Variants in EPM2A observed in about 807,000 individuals in gnomAD.
The protein encoded by EPM2A is EPM2A glucan phosphatase, laforin, also known as laforin.
EPM2A carries 21 observed loss-of-function variants against 26.5 expected under a neutral mutation model. The ratio of observed to expected loss-of-function variants is 0.79; its 90% confidence interval spans 0.56 to 1.14. EPM2A has a LOEUF of 1.14. Ranked by LOEUF, EPM2A falls within the 50% of genes most tolerant of loss-of-function variation. The pLI is 0.00. For synonymous variants in EPM2A, 217 were observed against 177.6 expected (o/e 1.22, Z -1.76); for missense variants, 458 against 440.8 (o/e 1.04, Z -0.35).
At chr6:145,514,116 T>C (rs1004892856) in intron 2 of EPM2A, among the ~76,000 whole-genome samples, 6 of 152,192 alleles carry the variant, frequency 3.9e-5, no homozygotes, top group Non-Finnish European at 8.8e-5. Flanking sequence ...CTTCCAGGAT[T>C]AGTCACATGG....
rs915987456 is a variant in EPM2A, at chr6:145,529,557, T to C, written c.341-26982A>G. Among the ~76,000 whole-genome samples, 27 of 152,190 alleles carry C rather than the reference T, an allele frequency of 1.8e-4. 1 individual carries two copies. Among genetic ancestry groups the C allele is most frequent in the Admixed American group, 1.6e-3 (25 of 15,266 alleles). On this transcript the variant is annotated intron_variant, in intron 2 of 3. Coordinates refer to the EPM2A transcript ENST00000450221. ...AATAAAGATATGTACATTTTAGACA[T>C]AATGCTATTACACATTAATAGAATA...
At chr6:145,475,161 C>T (rs901500636) in intron 4 of EPM2A, among the ~76,000 whole-genome samples, 1 of 152,162 alleles carries the variant, frequency 6.6e-6, no homozygotes, top group Non-Finnish European at 1.5e-5. Context: ...TATAAAGACA[C>T]ATGCACACAT....
intron 4 of EPM2A, among the ~76,000 whole-genome samples, chr6:145,385,887 G>A (rs1778254239): frequency 6.7e-6 from 1 of 150,164 alleles, no homozygotes; most frequent in African/African-American, 2.5e-5. Context: ...GTACTTTTTT[G>A]TATTCTCCTT....
rs1181044368 is a variant in EPM2A at position 145,502,536 on chromosome 6, C to T, written c.380G>A (p.Trp127Ter). 2.1e-6 allele frequency: 1 copy of T among 470,552 alleles called. No individual in the cohort carries two copies. Among genetic ancestry groups the T allele is most frequent in the Admixed American group, 2.3e-5 (1 of 42,574 alleles). The allele number at this position is 470,552 out of a possible 1,614,324, so 29.1% of individuals were successfully genotyped here. The change falls in exon 3 of 4, where the codon TGG (tryptophan) becomes TAG (stop). Residue 127 changes from tryptophan (W) to a stop codon, truncating the protein, a stop_gained. Coordinates refer to the EPM2A transcript ENST00000450221. LOFTEE classifies it high-confidence loss of function. ...TACTCACTCACCTGCAGTCTCTTCC[C>T]ACATCCCCGAGCAGCACATGTCAGC...
At chr6:145,654,218 T>G (rs938948792) in intron 2 of EPM2A, among the ~76,000 whole-genome samples, 2 of 151,902 alleles carry the variant, frequency 1.3e-5, no homozygotes, top group Non-Finnish European at 2.9e-5. Context: ...GAGACAGAGT[T>G]TCACTCTTGT....
intron 4 of EPM2A, among the ~76,000 whole-genome samples, chr6:145,428,666 G>A (rs909274809): frequency 2.0e-5 from 3 of 152,178 alleles, no homozygotes; most frequent in Non-Finnish European, 4.4e-5. Flanking sequence ...GGCTTTATTT[G>A]AGGAAAAGTG....
chr6:145,531,084 AT>A (rs1348016809), intron 2 of EPM2A, among the ~76,000 whole-genome samples: 2 of 152,118 alleles, frequency 1.3e-5, no homozygotes, highest in Non-Finnish European at 2.9e-5. Flanking sequence ...GGTGGGAAAA[AT>A]TTTAAGATGA....
chr6:145,393,315 G>A (rs768452827), intron 4 of EPM2A, among the ~76,000 whole-genome samples: 1 of 151,810 alleles, frequency 6.6e-6, no homozygotes, highest in Non-Finnish European at 1.5e-5. Context: ...TAAACAACAA[G>A]CCCCATCTAA....
chr6:145,458,756 G>GC (rs929807706), intron 4 of EPM2A, among the ~76,000 whole-genome samples: 1 of 113,328 alleles, frequency 8.8e-6, no homozygotes, highest in Non-Finnish European at 1.7e-5. Context: ...ATATCTCCCC[G>GC]CCCCCCGCCC....
chr6:145,541,629 G>A (rs972354136), intron 2 of EPM2A, among the ~76,000 whole-genome samples: 7 of 152,120 alleles, frequency 4.6e-5, no homozygotes, highest in South Asian at 2.1e-4. Flanking sequence ...GCATTGGCAC[G>A]GTTATCTGTC....
At chr6:145,421,811 T>A (rs6570680) in intron 4 of EPM2A, among the ~76,000 whole-genome samples, 140,208 of 151,254 alleles carry the variant, frequency 0.93, 65,109 homozygotes, top group East Asian at 1. Context: ...AGATGATTGG[T>A]CAAACTACAG....
intron 4 of EPM2A, among the ~76,000 whole-genome samples, chr6:145,482,635 C>G (rs1032827792): frequency 2.6e-5 from 4 of 152,052 alleles, no homozygotes; most frequent in African/African-American, 9.7e-5. Context: ...ACCTCACATG[C>G]GCTTGGAGAG....
chr6:145,626,515 T>C lies in EPM2A; in HGVS notation c.*901A>G, dbSNP rs1429530092. ...CAACTGATCAGAATACTATTCTATG[T>C]CTCGCTATAGAAACTCCTGCAGGCA... On this transcript the variant is annotated 3_prime_UTR_variant, in exon 4 of 4. Coordinates refer to ENST00000367519, the MANE Select transcript of EPM2A (RefSeq NM_005670.4). 1.0e-6 allele frequency: 1 copy of C among 985,548 alleles called. No individual in the cohort carries two copies. Among genetic ancestry groups the C allele is most frequent in the Non-Finnish European group, 1.2e-6 (1 of 829,740 alleles). The allele number at this position is 985,548 out of a possible 1,614,324, so 61.1% of individuals were successfully genotyped here.
chr6:145,455,443 C>T (rs527673254), intron 4 of EPM2A, among the ~76,000 whole-genome samples: 13 of 152,178 alleles, frequency 8.5e-5, no homozygotes, highest in South Asian at 2.1e-4. Context: ...CTGCAATCTC[C>T]GCCTCCTGGG....
chr6:145,580,621 T>C (rs1781100351), intron 2 of EPM2A, among the ~76,000 whole-genome samples: 1 of 152,158 alleles, frequency 6.6e-6, no homozygotes, highest in Non-Finnish European at 1.5e-5. Flanking sequence ...ATCATCCAGG[T>C]AATAGGCATA....
At chr6:145,572,727 A>T (rs9485005) in intron 2 of EPM2A, among the ~76,000 whole-genome samples, 4,827 of 152,224 alleles carry the variant, frequency 0.032, 88 homozygotes, top group African/African-American at 0.056. Context: ...TGCCACTGAC[A>T]CCTCAAGCAC....
At chr6:145,482,588 A>G (rs1312636832) in intron 4 of EPM2A, among the ~76,000 whole-genome samples, 6 of 152,120 alleles carry the variant, frequency 3.9e-5, no homozygotes, top group African/African-American at 4.8e-5. Flanking sequence ...TTTGGACAAA[A>G]TGAGGACTGG....
chr6:145,467,261 G>A (rs1202606531), intron 4 of EPM2A, among the ~76,000 whole-genome samples: 1 of 151,880 alleles, frequency 6.6e-6, no homozygotes, highest in Non-Finnish European at 1.5e-5. Flanking sequence ...AATTTTGTGA[G>A]GGTGCGAGGT....
At chr6:145,627,971 C>A in intron 3 of EPM2A, 1 of 476,936 alleles carries the variant, frequency 2.1e-6, no homozygotes, top group Non-Finnish European at 3.7e-6. Flanking sequence ...TGCAAATATC[C>A]CTCCAAAGAA....
Sources: gnomAD v4.1 joint callset for allele counts (sites outside exome capture counted in the v4.1 genomes callset) on GRCh38, gnomAD v4.1.1 for gene constraint, MANE v1.5 for transcripts, NCBI Gene and HGNC (gene_info 2026-07-23, HGNC 2026-07-21) for gene names.